Variants in CATSPERE observed in about 807,000 individuals in gnomAD.
CATSPERE encodes catsper channel auxiliary subunit epsilon.
In CATSPERE, 93 loss-of-function variants were observed where a neutral mutation model predicts 114.1. The ratio of observed to expected loss-of-function variants is 0.81; its 90% CI spans 0.69 to 0.97. CATSPERE has a LOEUF of 0.97. Ranked by LOEUF, CATSPERE falls within the 50% of genes least tolerant of loss-of-function variation. The pLI, the probability that CATSPERE is intolerant of heterozygous loss-of-function variation, is 0.00. For missense variants in CATSPERE, 1,058 were observed against 1,131.6 expected, an observed-to-expected ratio of 0.93 and a Z score of 0.93; for synonymous variants, 341 against 384.1, an observed-to-expected ratio of 0.89 and a Z score of 1.31.
chr1:244,633,707 C>T lies in CATSPERE; in HGVS notation c.2649-1782C>T, dbSNP rs993613570. Among the ~76,000 whole-genome samples, 22 of 152,088 alleles carry T rather than the reference C, an allele frequency of 1.4e-4. No individual in the cohort carries two copies. Among genetic ancestry groups the T allele is most frequent in the Admixed American group, 9.8e-4 (15 of 15,246 alleles). The stretch of plus-strand genomic sequence containing the variant: ...AGATATTTCCTCATTATCCCTTAAA[C>T]CTCACAAATTCATTCCCATTTCCAA... On this transcript the variant is annotated intron_variant, in intron 20 of 21. Transcript: ENST00000366534. The surrounding 1 kb of genome is among the most constrained non-coding windows in gnomAD (Gnocchi z 4.1).
chr1:244,514,793 C>T (rs1434370022), intron 7 of CATSPERE, among the ~76,000 whole-genome samples: 2 of 144,140 alleles, frequency 1.4e-5, no homozygotes, highest in African/African-American at 5.2e-5. Flanking sequence ...CACGTCACTG[C>T]ACTCCAGCCT....
At chr1:244,636,621 G>A (rs949124038) in intron 21 of CATSPERE, 2 of 152,540 alleles carry the variant, frequency 1.3e-5, no homozygotes, top group Non-Finnish European at 2.9e-5. Context: ...ACCGAAGAAG[G>A]AGTCAAGTGA....
intron 17 of CATSPERE, among the ~76,000 whole-genome samples, chr1:244,599,301 A>C (rs1414615415): frequency 1.3e-5 from 2 of 152,178 alleles, no homozygotes; most frequent in Non-Finnish European, 2.9e-5. Flanking sequence ...TAACCTGTCC[A>C]AAACTGAACT....
At chr1:244,476,558 C>G (rs1263528400) in intron 2 of CATSPERE, among the ~76,000 whole-genome samples, 2 of 152,062 alleles carry the variant, frequency 1.3e-5, no homozygotes, top group Non-Finnish European at 2.9e-5. Context: ...CCTATAATAT[C>G]AAATCTATGA....
chr1:244,639,188 T>C (rs147147651), intron 21 of CATSPERE, among the ~76,000 whole-genome samples: 4 of 152,312 alleles, frequency 2.6e-5, no homozygotes, highest in Non-Finnish European at 4.4e-5. Context: ...GGTCCTGAGG[T>C]GTTACCACAT....
intron 7 of CATSPERE, among the ~76,000 whole-genome samples, chr1:244,514,568 G>A (rs746715490): frequency 6.6e-5 from 10 of 152,114 alleles, no homozygotes; most frequent in East Asian, 3.9e-4. Flanking sequence ...GGTGGCTCAC[G>A]CCTGTAATCC....
intron 19 of CATSPERE, among the ~76,000 whole-genome samples, chr1:244,616,708 A>G (rs930690313): frequency 2.6e-5 from 4 of 152,212 alleles, no homozygotes; most frequent in Non-Finnish European, 5.9e-5. Flanking sequence ...GGTGGGACCA[A>G]TTAGACCTCA....
intron 2 of CATSPERE, among the ~76,000 whole-genome samples, chr1:244,477,061 T>A (rs975098660): frequency 6.6e-6 from 1 of 152,242 alleles, no homozygotes; most frequent in African/African-American, 2.4e-5. Flanking sequence ...AATGACGTGA[T>A]GTCGGCTCAC....
At chr1:244,599,503 A>G (rs1668887802) in intron 17 of CATSPERE, among the ~76,000 whole-genome samples, 1 of 152,228 alleles carries the variant, frequency 6.6e-6, no homozygotes, top group South Asian at 2.1e-4. Context: ...TTACAGACCC[A>G]AGTCATCACC....
chr1:244,621,860 TGAAAA>T (rs1432596627), intron 20 of CATSPERE, among the ~76,000 whole-genome samples: 1 of 152,200 alleles, frequency 6.6e-6, no homozygotes, highest in Non-Finnish European at 1.5e-5. Context: ...ACTGCATTCA[TGAAAA>T]GAAAATTAGT....
chr1:244,487,436 C>T (rs1671278704), intron 5 of CATSPERE, among the ~76,000 whole-genome samples: 1 of 152,130 alleles, frequency 6.6e-6, no homozygotes, highest in Admixed American at 6.5e-5. Context: ...ACCTCAACCC[C>T]CGAGGGTATT....
intron 4 of CATSPERE, among the ~76,000 whole-genome samples, chr1:244,478,243 C>T (rs1669679832): frequency 6.6e-6 from 1 of 152,108 alleles, no homozygotes; most frequent in Non-Finnish European, 1.5e-5. Flanking sequence ...TAGCCACCAC[C>T]TTAATGATAA....
intron 2 of CATSPERE, 26 bp downstream of exon 2, chr1:244,463,982 A>G (rs367957044): frequency 3.0e-5 from 45 of 1,505,178 alleles, no homozygotes; most frequent in Non-Finnish European, 3.6e-5. Context: ...TTAATAAACT[A>G]TAGTTAAATA....
At chr1:244,478,046 C>T in intron 4 of CATSPERE, 71 bp downstream of exon 4, 3 of 1,217,176 alleles carry the variant, frequency 2.5e-6, no homozygotes, top group Admixed American at 1.9e-5. Flanking sequence ...TTTTATTTTG[C>T]CTTTCTTTTG....
intron 19 of CATSPERE, among the ~76,000 whole-genome samples, chr1:244,611,617 T>A (rs1324167741): frequency 6.6e-6 from 1 of 151,618 alleles, no homozygotes; most frequent in Non-Finnish European, 1.5e-5. Context: ...AAAATCAAAT[T>A]AAAAAATAAA....
chr1:244,496,642 C>T (rs1270666393), intron 6 of CATSPERE, among the ~76,000 whole-genome samples: 5 of 152,158 alleles, frequency 3.3e-5, no homozygotes, highest in African/African-American at 1.2e-4. Flanking sequence ...TAAATGTCCT[C>T]TACAACATAA....
Position 244,465,726 on chromosome 1 carries a change from T to G in CATSPERE, c.114+1770T>G, listed in dbSNP as rs572538210. 5.3e-5 allele frequency among the ~76,000 whole-genome samples: 8 copies of G among 152,334 alleles called. No individual in the cohort carries two copies. The South Asian group carries it at 1.7e-3, about 32-fold the overall frequency. On this transcript the variant is annotated intron_variant, in intron 2 of 21. Transcript: ENST00000366534. ...GGCTATTTGCGTTTTTATATAAATT[T>G]TAGAATAAGGCTGTTAGTTTTCACA... is the stretch of plus-strand genomic sequence containing the variant.
At chr1:244,451,956 C>A, upstream of CATSPERE, 1 of 890,776 alleles carries the variant, frequency 1.1e-6, no homozygotes, top group South Asian at 1.9e-5. This position sits in a 1 kb window ranked among gnomAD's most constrained non-coding sequence, Gnocchi z 6.6. Flanking sequence ...GCCGGGCCGC[C>A]ACCCTCCAGC....
intron 7 of CATSPERE, among the ~76,000 whole-genome samples, chr1:244,505,053 G>T (rs1674607805): frequency 6.6e-6 from 1 of 151,880 alleles, no homozygotes; most frequent in South Asian, 2.1e-4. Flanking sequence ...TTATGTTTTG[G>T]GTTACAATCC....
Sources: gnomAD v4.1 joint callset for allele counts (sites outside exome capture counted in the v4.1 genomes callset) on GRCh38, gnomAD v4.1.1 for gene constraint, Gnocchi (gnomAD v3.1) non-coding constraint, MANE v1.5 for transcripts, NCBI Gene and HGNC (gene_info 2026-07-23, HGNC 2026-07-21) for gene names.